GRM5: variants seen among roughly 807,000 people sequenced by gnomAD.
The protein encoded by GRM5 is metabotropic glutamate receptor 5.
GRM5 carries 19 observed loss-of-function variants against 83.1 expected under a neutral mutation model. The observed-to-expected ratio is 0.23, with a 90% confidence interval of 0.16 to 0.34. The LOEUF (loss-of-function observed/expected upper bound fraction) is 0.34. Ranked by LOEUF, GRM5 falls within the 10% of genes least tolerant of loss-of-function variation. The pLI is 1.00. For missense variants in GRM5, 1,160 were observed against 1,588.3 expected (o/e 0.73, Z 4.58); for synonymous variants, 675 against 633.6 (o/e 1.07, Z -0.98).
intron 4 of GRM5, among the ~76,000 whole-genome samples, chr11:88,647,249 T>A (rs1180523817): frequency 6.6e-6 from 1 of 152,072 alleles, no homozygotes; most frequent in Non-Finnish European, 1.5e-5. Context: ...TGAGCCTATT[T>A]CTAAAGAAGA....
chr11:89,030,194 G>A (rs1565342852), intron 2 of GRM5, among the ~76,000 whole-genome samples: 1 of 152,014 alleles, frequency 6.6e-6, no homozygotes, highest in Middle Eastern at 3.4e-3. Flanking sequence ...GATAAAACTT[G>A]GATATTTGAC....
intron 3 of GRM5, among the ~76,000 whole-genome samples, chr11:88,791,521 T>C (rs1943172044): frequency 6.6e-6 from 1 of 152,082 alleles, no homozygotes; most frequent in Non-Finnish European, 1.5e-5. Flanking sequence ...TAGATGCAAG[T>C]CTCCTGACAC....
At chr11:88,788,848 C>A (rs1218859900) in intron 3 of GRM5, among the ~76,000 whole-genome samples, 1 of 152,072 alleles carries the variant, frequency 6.6e-6, no homozygotes, top group East Asian at 1.9e-4. Flanking sequence ...TTAGATAAAA[C>A]TTTTCATAGG....
chr11:88,835,334 T>C (rs969107149), intron 3 of GRM5, among the ~76,000 whole-genome samples: 4 of 152,166 alleles, frequency 2.6e-5, no homozygotes, highest in Non-Finnish European at 4.4e-5. Context: ...CATTTTGAGA[T>C]AGAATAGGTG....
intron 9 of GRM5, among the ~76,000 whole-genome samples, chr11:88,515,555 G>C (rs2135087096): frequency 6.6e-6 from 1 of 152,194 alleles, no homozygotes; most frequent in Admixed American, 6.5e-5. Flanking sequence ...ATACATGTAA[G>C]GAAGCATTCC....
At chr11:88,652,961 A>T (rs184939247) in intron 4 of GRM5, among the ~76,000 whole-genome samples, 1 of 152,208 alleles carries the variant, frequency 6.6e-6, no homozygotes, top group East Asian at 1.9e-4. Flanking sequence ...AAATGATCTA[A>T]TCACATAAAA....
chr11:88,986,360 G>A (rs764065714), intron 2 of GRM5, among the ~76,000 whole-genome samples: 10 of 152,108 alleles, frequency 6.6e-5, no homozygotes, highest in Non-Finnish European at 1.2e-4. Context: ...TGGAGGAAGT[G>A]GTGTGGCTAT....
In GRM5 at chr11:89,016,844, AC is replaced by A. The variant is rs1940870027; in HGVS notation, c.661+30367del. Among the ~76,000 whole-genome samples the A allele has an allele frequency of 8.5e-5, 13 of 152,312 alleles. 1 individual carries two copies. In the South Asian group the frequency reaches 2.7e-3, roughly 32 times the overall value. On this transcript the variant is annotated intron_variant, in intron 2 of 9. Transcript: ENST00000305447. ...AGGAAGATATTTTCCTAAAGTAAAT[AC>A]TGTTTCCACTCAGTTTTTCATTGCA...
At chr11:88,748,580 C>T (rs1162680954) in intron 3 of GRM5, among the ~76,000 whole-genome samples, 1 of 152,146 alleles carries the variant, frequency 6.6e-6, no homozygotes, top group African/African-American at 2.4e-5. Flanking sequence ...TGTACCTGCT[C>T]TACCAGAAAG....
chr11:88,568,901 G>A (rs1031241408), intron 7 of GRM5, among the ~76,000 whole-genome samples: 2 of 152,178 alleles, frequency 1.3e-5, no homozygotes, highest in Non-Finnish European at 2.9e-5. Flanking sequence ...GCAGGCAAGG[G>A]AAGTGCACCA....
At chr11:88,633,874 G>T (rs4753616) in intron 4 of GRM5, among the ~76,000 whole-genome samples, 85,212 of 151,920 alleles carry the variant, frequency 0.56, 27,530 homozygotes, top group South Asian at 0.81. Context: ...TTAATGACAA[G>T]GATATGTTCT....
At chr11:89,032,890 A>G (rs1167215310) in intron 2 of GRM5, among the ~76,000 whole-genome samples, 1 of 152,032 alleles carries the variant, frequency 6.6e-6, no homozygotes, top group Non-Finnish European at 1.5e-5. Context: ...TTAATTACTG[A>G]TGGAGCATAA....
intron 3 of GRM5, among the ~76,000 whole-genome samples, chr11:88,792,762 A>G (rs1161052981): frequency 6.6e-6 from 1 of 152,126 alleles, no homozygotes; most frequent in African/African-American, 2.4e-5. Context: ...TGCTTTTTAA[A>G]TTGTCTTTTC....
chr11:88,523,584 T>C (rs1941764217), intron 9 of GRM5, among the ~76,000 whole-genome samples: 1 of 152,214 alleles, frequency 6.6e-6, no homozygotes, highest in African/African-American at 2.4e-5. Context: ...TATAAAGGGA[T>C]TGTAGGCATA....
At chr11:88,858,470 A>C (rs1425860668) in intron 2 of GRM5, among the ~76,000 whole-genome samples, 1 of 152,072 alleles carries the variant, frequency 6.6e-6, no homozygotes, top group African/African-American at 2.4e-5. Flanking sequence ...TCTTCTGGCT[A>C]TCAAGTATGG....
intron 3 of GRM5, among the ~76,000 whole-genome samples, chr11:88,717,767 T>G (rs1941430944): frequency 6.6e-6 from 1 of 151,828 alleles, no homozygotes. Flanking sequence ...TTCAAGGAAA[T>G]ACATTGAAAC....
chr11:88,804,976 C>CA (rs1943474040), intron 3 of GRM5, among the ~76,000 whole-genome samples: 1 of 152,092 alleles, frequency 6.6e-6, no homozygotes, highest in Admixed American at 6.5e-5. Context: ...AATTAAAAAA[C>CA]TAAAGAAAGA....
At chr11:88,984,123 A>G (rs527566028) in intron 2 of GRM5, among the ~76,000 whole-genome samples, 4 of 152,248 alleles carry the variant, frequency 2.6e-5, no homozygotes, top group African/African-American at 9.6e-5. Flanking sequence ...TAAATTTAGT[A>G]TGGCTTAAGT....
chr11:88,596,700 A>G (rs1248782529), intron 6 of GRM5, among the ~76,000 whole-genome samples: 1 of 152,052 alleles, frequency 6.6e-6, no homozygotes, highest in Non-Finnish European at 1.5e-5. Context: ...ACAAACTTAT[A>G]TAGTCCTCTT....
Sources: allele counts gnomAD v4.1 joint callset (sites outside exome capture counted in the v4.1 genomes callset), GRCh38; gene constraint gnomAD v4.1.1; transcripts MANE v1.5; gene names NCBI Gene and HGNC (gene_info 2026-07-23, HGNC 2026-07-21).